The following WLS variants were observed in gnomAD, a reference collection of about 807,000 sequenced individuals.
WLS encodes Wnt ligand secretion mediator, also known as protein wntless homolog.
Under a neutral mutation model 62.8 loss-of-function variants are expected in WLS, and 23 were observed. The observed-to-expected ratio is 0.37, with a 90% CI of 0.26 to 0.52. The LOEUF (loss-of-function observed/expected upper bound fraction) is 0.52. WLS is among the 20% of genes least tolerant of loss of function. The pLI is 0.92. For synonymous variants in WLS, 246 were observed against 244.1 expected (o/e 1.01, Z -0.07); for missense variants, 615 against 697.3 (o/e 0.88, Z 1.33).
intron 1 of WLS, among the ~76,000 whole-genome samples, chr1:68,229,387 T>A (rs934134979): frequency 3.9e-4 from 60 of 152,116 alleles, no homozygotes; most frequent in African/African-American, 1.4e-3. Flanking sequence ...AAGGGGACAT[T>A]TCTTTTTCTC....
At chr1:68,222,263 G>A (rs1649972788) in intron 1 of WLS, among the ~76,000 whole-genome samples, 1 of 152,124 alleles carries the variant, frequency 6.6e-6, no homozygotes, top group Non-Finnish European at 1.5e-5. Flanking sequence ...CCAAGCAGGA[G>A]GAAGGGAATG....
chr1:68,181,495 C>T (rs552860306), intron 2 of WLS, among the ~76,000 whole-genome samples: 1 of 152,180 alleles, frequency 6.6e-6, no homozygotes, highest in African/African-American at 2.4e-5. Flanking sequence ...TTCTAGACTG[C>T]ACTTCATTCC....
At chr1:68,112,679 G>A (rs952895337) in intron 11 of WLS, among the ~76,000 whole-genome samples, 3 of 152,210 alleles carry the variant, frequency 2.0e-5, no homozygotes, top group Admixed American at 1.3e-4. Flanking sequence ...CCAATCAGGA[G>A]TTACTGAAAA....
At chr1:68,147,778 T>C (rs963508294) in intron 8 of WLS, among the ~76,000 whole-genome samples, 1 of 152,184 alleles carries the variant, frequency 6.6e-6, no homozygotes, top group African/African-American at 2.4e-5. Flanking sequence ...AAACAGGCTC[T>C]TCCACAGGGG....
intron 1 of WLS, among the ~76,000 whole-genome samples, chr1:68,206,645 G>A (rs964660325): frequency 6.6e-6 from 1 of 152,172 alleles, no homozygotes; most frequent in African/African-American, 2.4e-5. Flanking sequence ...TTGAGCATAA[G>A]AATCTTGGCA....
intron 2 of WLS, among the ~76,000 whole-genome samples, chr1:68,170,612 T>C (rs1230712078): frequency 1.3e-5 from 2 of 152,126 alleles, no homozygotes; most frequent in South Asian, 2.1e-4. Context: ...CTGCAGACAG[T>C]GCTTGGCATC....
intron 2 of WLS, among the ~76,000 whole-genome samples, chr1:68,180,567 A>C (rs1374792127): frequency 6.6e-6 from 1 of 152,068 alleles, no homozygotes; most frequent in African/African-American, 2.4e-5. Flanking sequence ...GTTCCATATA[A>C]ATGCTAAACC....
At chr1:68,127,145 T>C (rs931776788) in intron 11 of WLS, 4 of 379,282 alleles carry the variant, frequency 1.1e-5, no homozygotes, top group Non-Finnish European at 2.1e-5. Flanking sequence ...CAGTGAGCTA[T>C]GATTGCACCA....
chr1:68,205,725 C>T (rs1649253738), intron 1 of WLS, among the ~76,000 whole-genome samples: 2 of 152,130 alleles, frequency 1.3e-5, no homozygotes, highest in South Asian at 4.1e-4. Flanking sequence ...ACAGTACCTA[C>T]CAGAGAAAAA....
intron 8 of WLS, 43 bp from the exon 9 acceptor site, chr1:68,146,055 A>G: frequency 6.2e-7 from 1 of 1,605,882 alleles, no homozygotes; most frequent in Admixed American, 1.7e-5. Context: ...AGCCAAGGCC[A>G]AGTTGAGCCG....
chr1:68,139,095 T>A (rs1408208276), intron 10 of WLS, among the ~76,000 whole-genome samples: 1 of 152,236 alleles, frequency 6.6e-6, no homozygotes, highest in Non-Finnish European at 1.5e-5. Flanking sequence ...CATTAGCCAA[T>A]TATAGACTTA....
chr1:68,174,670 A>G (rs891528), intron 2 of WLS, among the ~76,000 whole-genome samples: 46,705 of 151,916 alleles, frequency 0.31, 7,393 homozygotes, highest in Middle Eastern at 0.36. Flanking sequence ...TCCAGCCATC[A>G]CCCTCAGCCT....
At chr1:68,152,920 TACAAC>T (rs2100476838) in intron 5 of WLS, among the ~76,000 whole-genome samples, 1 of 152,276 alleles carries the variant, frequency 6.6e-6, no homozygotes, top group South Asian at 2.1e-4. Flanking sequence ...GTTTCTTCAC[TACAAC>T]ACAGACAAGT....
intron 1 of WLS, among the ~76,000 whole-genome samples, chr1:68,222,537 G>A (rs951100474): frequency 1.3e-5 from 2 of 152,104 alleles, no homozygotes; most frequent in Admixed American, 1.3e-4. Context: ...AATAGCCTTA[G>A]ACAGAAATCA....
intron 1 of WLS, among the ~76,000 whole-genome samples, chr1:68,210,521 A>G (rs999425738): frequency 1.3e-5 from 2 of 152,170 alleles, no homozygotes; most frequent in East Asian, 1.9e-4. Context: ...TGGATTGAAA[A>G]ACTAAACAAG....
At chr1:68,209,726 A>G (rs1649433695) in intron 1 of WLS, among the ~76,000 whole-genome samples, 1 of 152,152 alleles carries the variant, frequency 6.6e-6, no homozygotes, top group Admixed American at 6.5e-5. Context: ...GGTTGCGGTG[A>G]GCCAAGATTG....
intron 11 of WLS, among the ~76,000 whole-genome samples, chr1:68,106,314 T>G (rs139471899): frequency 7.0e-4 from 107 of 152,232 alleles, no homozygotes; most frequent in African/African-American, 2.4e-3. Context: ...ATGCCGAGGC[T>G]GGGTGGGCAG....
rs147049909 is a variant in WLS, at chr1:68,133,492, GCTTCA to G, written c.1516+4283_1516+4287del. 4.4e-3 allele frequency among the ~76,000 whole-genome samples: 668 copies of G among 152,262 alleles called. 4 individuals are homozygous for G. Among genetic ancestry groups the G allele is most frequent in the African/African-American group, 0.016 (646 of 41,542 alleles). On this transcript the variant is annotated intron_variant, in intron 11 of 11. Transcript: ENST00000262348. ...GACTATGTCTCTGTCACTCCTTCGA[GCTTCA>G]CTTCACTCCATCTCATTCAAGATGG...
intron 1 of WLS, among the ~76,000 whole-genome samples, chr1:68,230,425 G>A (rs1650352051): frequency 1.3e-5 from 2 of 152,242 alleles, no homozygotes; most frequent in Middle Eastern, 3.4e-3. Context: ...AGGTGTAATT[G>A]TAACCGCTGC....
Sources: gnomAD v4.1 joint callset for allele counts (sites outside exome capture counted in the v4.1 genomes callset) on GRCh38, gnomAD v4.1.1 for gene constraint, MANE v1.5 for transcripts, NCBI Gene and HGNC (gene_info 2026-07-23, HGNC 2026-07-21) for gene names.